The following TAFA1 variants were observed in gnomAD, a reference collection of about 807,000 sequenced individuals.
TAFA1 encodes chemokine-like protein TAFA-1.
Under a neutral mutation model 18.5 loss-of-function variants are expected in TAFA1, and 4 were observed. The observed-to-expected ratio is 0.22, with a 90% CI of 0.11 to 0.49. TAFA1 has a LOEUF of 0.49. Among genes scored for constraint, TAFA1 ranks in the 20% least tolerant of loss-of-function variants. The pLI is 0.98. For missense variants in TAFA1, 147 were observed against 169.0 expected (o/e 0.87, Z 0.72); for synonymous variants, 56 against 55.2 (o/e 1.01, Z -0.06).
At chr3:68,126,840 C>T (rs1423495844) in intron 2 of TAFA1, among the ~76,000 whole-genome samples, 1 of 152,178 alleles carries the variant, frequency 6.6e-6, no homozygotes, top group African/African-American at 2.4e-5. Context: ...GTGGGATGCT[C>T]TTTCAATGTG....
intron 2 of TAFA1, among the ~76,000 whole-genome samples, chr3:68,224,828 C>T (rs888984410): frequency 1.3e-5 from 2 of 150,726 alleles, no homozygotes; most frequent in African/African-American, 4.9e-5. Context: ...GGGTTACGAG[C>T]CAGGAGGTGT....
intron 2 of TAFA1, among the ~76,000 whole-genome samples, chr3:68,258,716 C>T (rs1210996212): frequency 6.6e-6 from 1 of 152,178 alleles, no homozygotes; most frequent in Non-Finnish European, 1.5e-5. Context: ...TGGAAATCTT[C>T]TAGTCCAACC....
intron 2 of TAFA1, among the ~76,000 whole-genome samples, chr3:68,178,266 T>C (rs1359964250): frequency 1.3e-5 from 2 of 152,216 alleles, no homozygotes; most frequent in African/African-American, 4.8e-5. Flanking sequence ...ATTTCCTCAT[T>C]CATTCACTCA....
intron 2 of TAFA1, among the ~76,000 whole-genome samples, chr3:68,089,781 T>C (rs573720466): frequency 6.6e-6 from 1 of 152,316 alleles, no homozygotes; most frequent in African/African-American, 2.4e-5. Context: ...GCCATCTGTA[T>C]TTAGCTGGTC....
chr3:68,072,003 A>C (rs1032461707), intron 2 of TAFA1, among the ~76,000 whole-genome samples: 2 of 152,236 alleles, frequency 1.3e-5, no homozygotes, highest in African/African-American at 2.4e-5. Flanking sequence ...TATCTAAACT[A>C]TATCACCATC....
At chr3:68,263,907 G>A (rs1264981299) in intron 2 of TAFA1, among the ~76,000 whole-genome samples, 2 of 152,160 alleles carry the variant, frequency 1.3e-5, no homozygotes, top group African/African-American at 4.8e-5. Flanking sequence ...ATCAATATCT[G>A]TGTATCTTCT....
chr3:68,140,011 G>A (rs2065651077), intron 2 of TAFA1, among the ~76,000 whole-genome samples: 1 of 152,146 alleles, frequency 6.6e-6, no homozygotes, highest in Non-Finnish European at 1.5e-5. Context: ...CTCTAAATAT[G>A]TCAATAAATA....
At chr3:68,458,591 T>C (rs2071710573) in intron 3 of TAFA1, among the ~76,000 whole-genome samples, 1 of 152,172 alleles carries the variant, frequency 6.6e-6, no homozygotes, top group South Asian at 2.1e-4. Flanking sequence ...AATCTGATTC[T>C]AAGTTTATTA....
chr3:68,374,001 A>G (rs1484338347), intron 2 of TAFA1, among the ~76,000 whole-genome samples: 2 of 152,208 alleles, frequency 1.3e-5, no homozygotes, highest in East Asian at 1.9e-4. Context: ...GAAATTTATT[A>G]TAAGGAAATA....
intron 2 of TAFA1, among the ~76,000 whole-genome samples, chr3:68,237,335 C>G (rs2066940058): frequency 6.6e-6 from 1 of 152,156 alleles, no homozygotes; most frequent in South Asian, 2.1e-4. Context: ...CTAATCACCT[C>G]CCCAAGGTTT....
At chr3:67,996,116 A>G in the TAFA1 span, among the ~76,000 whole-genome samples, 1 of 152,228 alleles carries the variant, frequency 6.6e-6, no homozygotes, top group Non-Finnish European at 1.5e-5. Flanking sequence ...GGAAATGATT[A>G]TCTTCTTCAA....
chr3:68,385,921 T>C (rs185729096), intron 2 of TAFA1, among the ~76,000 whole-genome samples: 1 of 152,238 alleles, frequency 6.6e-6, no homozygotes, highest in East Asian at 1.9e-4. Flanking sequence ...GATTATTTCT[T>C]AGTGTTGGGA....
At chr3:68,080,998 G>T (rs1366629629) in intron 2 of TAFA1, among the ~76,000 whole-genome samples, 4 of 151,994 alleles carry the variant, frequency 2.6e-5, no homozygotes, top group Non-Finnish European at 5.9e-5. Flanking sequence ...ATTTCTTGGA[G>T]GCTTTGCTCA....
chr3:68,323,251 G>T (rs147772722), intron 2 of TAFA1, among the ~76,000 whole-genome samples: 2 of 152,196 alleles, frequency 1.3e-5, no homozygotes, highest in East Asian at 3.9e-4. Context: ...AATGAATCAG[G>T]ATTTATGCAG....
intron 2 of TAFA1, among the ~76,000 whole-genome samples, chr3:68,083,310 A>G (rs1278459023): frequency 6.6e-6 from 1 of 152,240 alleles, no homozygotes; most frequent in Non-Finnish European, 1.5e-5. Context: ...ATTTTAGGTG[A>G]TAATCACTTT....
intron 2 of TAFA1, among the ~76,000 whole-genome samples, chr3:68,122,118 C>A (rs1329132177): frequency 6.6e-6 from 1 of 152,004 alleles, no homozygotes; most frequent in African/African-American, 2.4e-5. Context: ...GGATTCAAAC[C>A]TCATTCTGTC....
intron 3 of TAFA1, among the ~76,000 whole-genome samples, chr3:68,522,198 G>A (rs2073038389): frequency 6.6e-6 from 1 of 152,084 alleles, no homozygotes; most frequent in South Asian, 2.1e-4. Context: ...GATTTTAGCT[G>A]TGGATTGAAT....
chr3:68,001,861 G>A (rs1021053334), upstream of TAFA1, among the ~76,000 whole-genome samples: 1 of 152,166 alleles, frequency 6.6e-6, no homozygotes, highest in Non-Finnish European at 1.5e-5. Flanking sequence ...AAGATTGGTA[G>A]GGGAAGAGGA....
At chr3:68,395,938 T>TATA (rs533227192) in intron 2 of TAFA1, among the ~76,000 whole-genome samples, 3,079 of 151,090 alleles carry the variant, frequency 0.02, 107 homozygotes, top group African/African-American at 0.069. Flanking sequence ...GAACTTAAAG[T>TATA]ATAATAATAA....
Sources: gnomAD v4.1 joint callset for allele counts (sites outside exome capture counted in the v4.1 genomes callset) on GRCh38, gnomAD v4.1.1 for gene constraint, MANE v1.5 for transcripts, NCBI Gene and HGNC (gene_info 2026-07-23, HGNC 2026-07-21) for gene names.